MED12L: variants seen among roughly 807,000 people sequenced by gnomAD.
MED12L encodes mediator of RNA polymerase II transcription subunit 12-like protein.
MED12L carries 60 observed loss-of-function variants against 281.3 expected under a neutral mutation model. The observed-to-expected ratio is 0.21, with a 90% CI of 0.17 to 0.26. The LOEUF (loss-of-function observed/expected upper bound fraction) is 0.26, where lower values mean the gene tolerates loss of function less well. MED12L is among the 10% of genes least tolerant of loss of function. The probability of loss-of-function intolerance (pLI) is 1.00; values close to 1 mark genes in which losing one functional copy is unlikely to be tolerated. For synonymous variants in MED12L, 974 were observed against 987.2 expected (o/e 0.99, Z 0.25); for missense variants, 2,146 against 2,680.9 (o/e 0.80, Z 4.41).
At chr3:151,147,416 G>T (rs987946695) in intron 5 of MED12L, among the ~76,000 whole-genome samples, 1 of 152,120 alleles carries the variant, frequency 6.6e-6, no homozygotes, top group South Asian at 2.1e-4. Context: ...AAAGTCTACG[G>T]TCAGTGTTTT....
intron 16 of MED12L, among the ~76,000 whole-genome samples, chr3:151,305,223 C>T (rs114585569): frequency 0.026 from 3,917 of 152,246 alleles, 178 homozygotes; most frequent in African/African-American, 0.089. Flanking sequence ...ACCTGGATCC[C>T]GGGCGGGAAT....
chr3:151,158,219 A>G (rs1368287222), intron 6 of MED12L, among the ~76,000 whole-genome samples: 2 of 152,116 alleles, frequency 1.3e-5, no homozygotes, highest in African/African-American at 4.8e-5. Context: ...TATTTTATAG[A>G]TAGGTGATAG....
In MED12L at chr3:151,389,889, G is replaced by T. The variant is rs942493785; in HGVS notation, c.5452-90G>T. 34 of 1,263,418 alleles carry T rather than the reference G, an allele frequency of 2.7e-5. No homozygotes were observed. The South Asian group carries it at 4.4e-4, about 17-fold the overall frequency. The allele number at this position is 1,263,418 out of a possible 1,614,324, so 78.3% of individuals were successfully genotyped here. ...ACAGCTTTGTACATTGGGATAGGAG[G>T]TACCTCAGATAGCTTACTGAAGTTA... On this transcript the variant is annotated intron_variant, in intron 37 of 44. Coordinates refer to ENST00000687756, the MANE Select transcript of MED12L (RefSeq NM_001393769.1).
At chr3:151,214,153 C>A in intron 16 of MED12L, 1 of 1,614,148 alleles carries the variant, frequency 6.2e-7, no homozygotes, top group Non-Finnish European at 8.5e-7. Flanking sequence ...GATGATGAAA[C>A]TCTTAGAGCT....
At chr3:151,235,385 G>T (rs1732527257) in intron 16 of MED12L, among the ~76,000 whole-genome samples, 1 of 152,112 alleles carries the variant, frequency 6.6e-6, no homozygotes, top group African/African-American at 2.4e-5. Context: ...CTATAGTGGG[G>T]TTGAAGTTTG....
chr3:151,143,441 C>T (rs1244902888), intron 5 of MED12L, among the ~76,000 whole-genome samples: 1 of 152,172 alleles, frequency 6.6e-6, no homozygotes, highest in Non-Finnish European at 1.5e-5. Flanking sequence ...TTTATTTTTG[C>T]TCCTCAGATG....
At chr3:151,369,249 TAAAAA>T (rs1175632739) in intron 25 of MED12L, among the ~76,000 whole-genome samples, 182 bp from the exon 26 acceptor site, 7 of 152,086 alleles carry the variant, frequency 4.6e-5, no homozygotes, top group Admixed American at 4.6e-4. Flanking sequence ...TTTTAATAAA[TAAAAA>T]GAAAAGGATA....
chr3:151,380,557 A>G (rs1712090846), intron 32 of MED12L, among the ~76,000 whole-genome samples: 1 of 148,614 alleles, frequency 6.7e-6, no homozygotes, highest in African/African-American at 2.5e-5. Flanking sequence ...AGATCGCGCC[A>G]TTGCACACCA....
Position 151,355,183 on chromosome 3 carries a change from G to A in MED12L, c.2461G>A (p.Val821Met), listed in dbSNP as rs745431074. Reference sequence around the variant, plus strand: ...GGAGACATTTCCAACACTGGAGACTGTGTTCACTAAACTCCAGCTCCTTTC... The same window carrying A: ...GGAGACATTTCCAACACTGGAGACTATGTTCACTAAACTCCAGCTCCTTTC... ...KQETFPTLET[V>M]FTKLQLLSYF... The change falls in exon 18 of 45, where the codon GTG becomes ATG. Residue 821 changes from valine to methionine, a missense_variant. Around this residue, in one of 9 missense-constraint regions of MED12L, gnomAD observed 404 missense variants for 603.5 expected, o/e 0.67. Coordinates refer to ENST00000687756, the MANE Select transcript of MED12L (RefSeq NM_001393769.1). 1.2e-6 allele frequency: 2 copies of A among 1,613,980 alleles called. No individual in the cohort carries two copies. The highest frequency in any genetic ancestry group is 1.7e-6 in the Non-Finnish European group (2 of 1,179,912).
chr3:151,384,911 C>A, intron 35 of MED12L, 119 bp from the exon 36 acceptor site: 2 of 700,514 alleles, frequency 2.9e-6, no homozygotes, highest in Non-Finnish European at 2.6e-6. Flanking sequence ...GGTTAAAGAA[C>A]ATGCGCTAAG....
intron 16 of MED12L, among the ~76,000 whole-genome samples, chr3:151,249,892 T>A (rs1736496026): frequency 6.6e-6 from 1 of 152,184 alleles, no homozygotes; most frequent in South Asian, 2.1e-4. Context: ...CTACTTGAAT[T>A]CATCCAGTTT....
intron 39 of MED12L, among the ~76,000 whole-genome samples, chr3:151,395,712 T>C (rs1483069945): frequency 6.6e-6 from 1 of 152,260 alleles, no homozygotes; most frequent in East Asian, 1.9e-4. Flanking sequence ...TATCTTAAGA[T>C]ACCAGGGTAA....
chr3:151,185,534 C>A, intron 12 of MED12L, 73 bp downstream of exon 12: 1 of 1,508,886 alleles, frequency 6.6e-7, no homozygotes, highest in Non-Finnish European at 9.0e-7. Context: ...ATCATTTTCT[C>A]TTACCCTCAT....
chr3:151,299,401 C>CTTTTCTTTTCTTTTCCCCTCT (rs1559999722), intron 16 of MED12L, among the ~76,000 whole-genome samples: 2 of 7,210 alleles, frequency 2.8e-4, no homozygotes, highest in Non-Finnish European at 7.8e-4. Context: ...TTTTCTTTTC[C>CTTTTCTTTTCTTTTCCCCTCT]CCTCCCCTCC....
intron 3 of MED12L, among the ~76,000 whole-genome samples, chr3:151,119,941 G>A (rs578030012): frequency 2.8e-4 from 42 of 152,000 alleles, no homozygotes; most frequent in African/African-American, 7.2e-4. Context: ...ATTTCTGGCC[G>A]TGTGTGGTGG....
chr3:151,384,005 G>A, intron 34 of MED12L, 78 bp from the exon 35 acceptor site: 5 of 1,518,804 alleles, frequency 3.3e-6, no homozygotes, highest in Non-Finnish European at 4.5e-6. Context: ...AAAATTCTGT[G>A]CCTTGAATAA....
At chr3:151,376,334 C>G (rs2108065941) in intron 28 of MED12L, 120 bp downstream of exon 28, 1 of 804,668 alleles carries the variant, frequency 1.2e-6, no homozygotes, top group South Asian at 3.2e-5. Context: ...ATTTTTATTC[C>G]CACACATTTT....
intron 17 of MED12L, among the ~76,000 whole-genome samples, chr3:151,350,909 C>T (rs891700021): frequency 6.6e-6 from 1 of 152,058 alleles, no homozygotes; most frequent in African/African-American, 2.4e-5. Context: ...CCTAATTATT[C>T]TTTTCAAGGT....
At chr3:151,288,287 A>G (rs769745458) in intron 16 of MED12L, among the ~76,000 whole-genome samples, 2 of 152,192 alleles carry the variant, frequency 1.3e-5, no homozygotes, top group Admixed American at 1.3e-4. Flanking sequence ...TAACTTTCCC[A>G]TGGGTGAAAA....
Sources: allele counts gnomAD v4.1 joint callset (sites outside exome capture counted in the v4.1 genomes callset), GRCh38; gene constraint gnomAD v4.1.1; regional missense constraint gnomAD v4.1.1; transcripts MANE v1.5; gene names NCBI Gene and HGNC (gene_info 2026-07-23, HGNC 2026-07-21).